The following THAP4 variants were observed in gnomAD, a reference collection of about 807,000 sequenced individuals.
The protein encoded by THAP4 is THAP domain containing 4.
THAP4 carries 18 observed loss-of-function variants against 48.1 expected under a neutral mutation model. The observed-to-expected ratio is 0.37, with a 90% confidence interval of 0.26 to 0.56. THAP4 has a LOEUF of 0.56. Ranked by LOEUF, THAP4 falls within the 20% of genes least tolerant of loss-of-function variation. The probability of loss-of-function intolerance (pLI) is 0.78; values close to 1 mark genes in which losing one functional copy is unlikely to be tolerated. For missense variants in THAP4, 656 were observed against 774.9 expected (o/e 0.85, Z 1.82); for synonymous variants, 345 against 324.9 (o/e 1.06, Z -0.66).
At chr2:241,602,192 A>G in intron 4 of THAP4, 193 bp from the exon 5 acceptor site, 1 of 613,218 alleles carries the variant, frequency 1.6e-6, no homozygotes, top group Admixed American at 2.9e-5. Flanking sequence ...CTCACAGAAC[A>G]GGCAGGTGCT....
At chr2:241,617,313 T>C in intron 2 of THAP4, 1 of 857,682 alleles carries the variant, frequency 1.2e-6, no homozygotes, top group Admixed American at 2.3e-5. Context: ...ATTTTTCTTT[T>C]ATTGAAATCT....
At chr2:241,585,140 C>T (rs1284675026) in intron 5 of THAP4, 3 of 162,236 alleles carry the variant, frequency 1.8e-5, no homozygotes, top group African/African-American at 4.8e-5. Flanking sequence ...TCCACTGCCT[C>T]CCACTTTCAC....
rs189679743 is a variant in THAP4, at chr2:241,609,718, C to T, written c.1241-3245G>A. 2.1e-4 allele frequency among the ~76,000 whole-genome samples: 32 copies of T among 151,530 alleles called. No homozygotes were observed. In the East Asian group the frequency reaches 6.0e-3, roughly 29 times the overall value. On this transcript the variant is annotated intron_variant, in intron 2 of 5. Transcript: ENST00000407315. Reference sequence around the variant, plus strand: ...ACAAGAATTGCTTGAACCCGGGAGGCGGAGGTTGCAGTGAGCCGAGGTCGT... The same window carrying T: ...ACAAGAATTGCTTGAACCCGGGAGGTGGAGGTTGCAGTGAGCCGAGGTCGT...
chr2:241,584,601 T>G lies in THAP4; in HGVS notation c.*5A>C, dbSNP rs1347852057. 6.2e-7 allele frequency: 1 copy of G among 1,608,212 alleles called. No individual in the cohort carries two copies. Among genetic ancestry groups the G allele is most frequent in the Non-Finnish European group, 8.5e-7 (1 of 1,179,954 alleles). On this transcript the variant is annotated 3_prime_UTR_variant, in exon 6 of 6. Transcript: ENST00000407315. ...GCCCTCCCGAGGGCTCCAGAAGCTC[T>G]AGGTTTACGGGGTCACCTTCTTGTA...
chr2:241,622,943 C>A (rs2067450622), intron 2 of THAP4, among the ~76,000 whole-genome samples: 1 of 152,130 alleles, frequency 6.6e-6, no homozygotes, highest in African/African-American at 2.4e-5. Context: ...TGAGGCCAGG[C>A]ACGGTGGCTC....
At chr2:241,604,590 A>T (rs2067156357) in intron 3 of THAP4, among the ~76,000 whole-genome samples, 1 of 151,676 alleles carries the variant, frequency 6.6e-6, no homozygotes, top group Non-Finnish European at 1.5e-5. Context: ...ATTTTTTTTT[A>T]GTAGAGACAC....
chr2:241,636,906 C>CGGGGCG (rs964078493), intron 1 of THAP4, 35 bp downstream of exon 1: 4 of 1,156,288 alleles, frequency 3.5e-6, no homozygotes, highest in South Asian at 1.8e-5. Context: ...AGGGCCGGGT[C>CGGGGCG]GGGGCGGGGG....
chr2:241,633,583 C>T lies in THAP4; in HGVS notation c.574G>A (p.Ala192Thr), dbSNP rs768237010. 24 of 1,613,562 alleles carry T rather than the reference C, an allele frequency of 1.5e-5. No homozygotes were observed. The highest frequency in any genetic ancestry group is 1.8e-5 in the Non-Finnish European group (21 of 1,179,920). ...TCATCGCCAGCATCTGTGGCAGACG[C>T]TTCTGCTTTTCCCTGACTGCCTGCC... ...MVAGSQGKAE[A>T]SATDAGDESA... Residue 192 changes from alanine to threonine, a missense_variant, in exon 2 of 6, where the codon GCG (alanine) becomes ACG (threonine). Physicochemically the swap from Ala to Thr is moderately conservative, Grantham distance 58. Around this residue, in one of 4 missense-constraint regions of THAP4, gnomAD observed 391 missense variants for 412.4 expected, o/e 0.95. Coordinates refer to ENST00000407315, the MANE Select transcript of THAP4 (RefSeq NM_015963.6). The surrounding 1 kb of genome is among the most constrained non-coding windows in gnomAD (Gnocchi z 7.5).
chr2:241,624,269 C>T (rs1295136847), intron 2 of THAP4, among the ~76,000 whole-genome samples: 2 of 152,260 alleles, frequency 1.3e-5, no homozygotes, highest in African/African-American at 4.8e-5. Flanking sequence ...GGGCAGATCA[C>T]GAGGTCAGGA....
At chr2:241,611,411 T>C (rs2067274168) in intron 2 of THAP4, among the ~76,000 whole-genome samples, 1 of 152,154 alleles carries the variant, frequency 6.6e-6, no homozygotes, top group South Asian at 2.1e-4. Flanking sequence ...AGAGAAGTAA[T>C]GCGCCACTCC....
intron 2 of THAP4, among the ~76,000 whole-genome samples, chr2:241,607,721 A>G (rs1559224971): frequency 1.4e-5 from 2 of 140,016 alleles, no homozygotes; most frequent in African/African-American, 2.7e-5. Flanking sequence ...CGGGGACAGG[A>G]TCAGGACTGA....
At chr2:241,603,990 TAAAAAC>T in intron 3 of THAP4, among the ~76,000 whole-genome samples, 1 of 130,740 alleles carries the variant, frequency 7.6e-6, no homozygotes, top group Middle Eastern at 4.3e-3. Flanking sequence ...TCTACAAAAA[TAAAAAC>T]AAAAAAACCA....
chr2:241,596,528 C>A (rs113837431), intron 5 of THAP4, among the ~76,000 whole-genome samples: 2 of 133,948 alleles, frequency 1.5e-5, no homozygotes, highest in Non-Finnish European at 3.3e-5. Flanking sequence ...AAAAAAAGGC[C>A]GGGCGCAGTG....
At chr2:241,617,602 A>G (rs917525577) in intron 2 of THAP4, 20 of 784,386 alleles carry the variant, frequency 2.5e-5, no homozygotes, top group Non-Finnish European at 3.7e-5. Flanking sequence ...GTAAAAGACA[A>G]TGACAGCCCA....
intron 2 of THAP4, among the ~76,000 whole-genome samples, chr2:241,620,039 GA>G: frequency 1.1e-5 from 1 of 91,220 alleles, no homozygotes; most frequent in Non-Finnish European, 2.2e-5. Flanking sequence ...GTTGGTGAGT[GA>G]GGAGTGAGTG....
chr2:241,586,603 C>A (rs1196429402), intron 5 of THAP4, among the ~76,000 whole-genome samples: 2 of 152,080 alleles, frequency 1.3e-5, no homozygotes, highest in African/African-American at 2.4e-5. Flanking sequence ...CCAGGGGATA[C>A]CAATACTGGA....
intron 4 of THAP4, 95 bp downstream of exon 4, chr2:241,602,875 A>C: frequency 1.0e-6 from 1 of 957,136 alleles, no homozygotes; most frequent in Non-Finnish European, 1.7e-6. Flanking sequence ...CACATGCCTC[A>C]GCAGGGTTGC....
At position 241,633,921 on chromosome 2, in the gene THAP4, G is replaced by A. The variant is rs1187746741; in HGVS notation, c.236C>T (p.Thr79Met). 5 of 1,613,996 alleles carry A rather than the reference G, an allele frequency of 3.1e-6. No homozygotes were observed. The highest frequency in any genetic ancestry group is 4.2e-6 in the Non-Finnish European group (5 of 1,180,022). The change falls in exon 2 of 6, where the codon ACG becomes ATG. Residue 79 changes from threonine (T) to methionine (M), a missense_variant. Thr to Met is a moderately conservative substitution (Grantham distance 81). Around this residue, in one of 4 missense-constraint regions of THAP4, gnomAD observed 30 missense variants for 60.1 expected, o/e 0.50. Coordinates refer to ENST00000407315, the MANE Select transcript of THAP4 (RefSeq NM_015963.6). The surrounding 1 kb of genome is among the most constrained non-coding windows in gnomAD (Gnocchi z 7.5). Reference sequence around the variant, plus strand: ...CAGGTGGAAGATGGATGGCACGGCCGTGGGCTTCAGCAGGCGATGCTGGTC... The same window carrying A: ...CAGGTGGAAGATGGATGGCACGGCCATGGGCTTCAGCAGGCGATGCTGGTC... Reference protein sequence around the residue: ...LEDQHRLLKPTAVPSIFHLTE... With the variant: ...LEDQHRLLKPMAVPSIFHLTE...
At chr2:241,627,419 G>C (rs759180000) in intron 2 of THAP4, among the ~76,000 whole-genome samples, 6 of 152,200 alleles carry the variant, frequency 3.9e-5, no homozygotes, top group African/African-American at 1.2e-4. Context: ...AAGCAAGACC[G>C]CGAACACGTG....
Sources: allele counts gnomAD v4.1 joint callset (sites outside exome capture counted in the v4.1 genomes callset), GRCh38; gene constraint gnomAD v4.1.1; regional missense constraint gnomAD v4.1.1; non-coding constraint Gnocchi (gnomAD v3.1); transcripts MANE v1.5; gene names NCBI Gene and HGNC (gene_info 2026-07-23, HGNC 2026-07-21).